Variants in STAB2 observed in about 807,000 individuals in gnomAD.
The protein encoded by STAB2 is stabilin 2, also known as stabilin-2.
In STAB2, 288 loss-of-function variants were observed where a neutral mutation model predicts 338.1. The observed-to-expected ratio is 0.85, with a 90% CI of 0.77 to 0.94. The LOEUF (loss-of-function observed/expected upper bound fraction) is 0.94. STAB2 is among the 40% of genes least tolerant of loss of function. The pLI is 0.00. For synonymous variants in STAB2, 1,202 were observed against 1,193.3 expected (o/e 1.01, Z -0.15); for missense variants, 3,141 against 3,210.1 (o/e 0.98, Z 0.52).
chr12:103,711,505 T>C lies in STAB2; in HGVS notation c.4323T>C (p.His1441=). The C allele has an allele frequency of 6.2e-7, 1 of 1,614,146 alleles. No homozygotes were observed. The highest frequency in any genetic ancestry group is 8.5e-7 in the Non-Finnish European group (1 of 1,180,016). ...TTEDNCNGTC[H]TSANCLTNSD... The stretch of plus-strand genomic sequence containing the variant: ...AAGACAACTGCAATGGGACATGCCA[T>C]ACCAGCGCCAAGTAGGTAGCCCTGG... Residue 1441 remains histidine, a synonymous_variant, in exon 40 of 69, where the codon CAT becomes CAC. Transcript: ENST00000388887.
At chr12:103,727,898 A>C (rs1881336566) in intron 47 of STAB2, among the ~76,000 whole-genome samples, 1 of 152,110 alleles carries the variant, frequency 6.6e-6, no homozygotes, top group Admixed American at 6.6e-5. Flanking sequence ...AGCTGTGAAT[A>C]CTGAGGGAAG....
Position 103,762,372 on chromosome 12 carries a change from C to T in STAB2, c.7458C>T (p.Asn2486=), listed in dbSNP as rs778227915. 6 of 1,614,204 alleles carry T rather than the reference C, an allele frequency of 3.7e-6. No individual in the cohort carries two copies. Among genetic ancestry groups the T allele is most frequent in the South Asian group, 1.1e-5 (1 of 91,080 alleles). The change falls in exon 67 of 69, where the codon AAC becomes AAT. Residue 2486 remains asparagine (N), a synonymous_variant. Coordinates refer to ENST00000388887, the MANE Select transcript of STAB2 (RefSeq NM_017564.10). The part of the protein sequence containing the change: ...ALAAYSYFRI[N]RRTIGFQHFE... ...CTGCTTACTCCTACTTTCGGATAAA[C>T]CGGAGAACAATCGGCTTCCAGCATT...
At chr12:103,737,598 CT>C in intron 52 of STAB2, 35 bp from the exon 53 acceptor site, 2 of 1,253,070 alleles carry the variant, frequency 1.6e-6, no homozygotes, top group Non-Finnish European at 2.1e-6. Context: ...CTCTCTCTCT[CT>C]CTTTCTCTTT....
At chr12:103,731,178 C>T (rs1566055538) in intron 49 of STAB2, among the ~76,000 whole-genome samples, 1 of 152,172 alleles carries the variant, frequency 6.6e-6, no homozygotes, top group African/African-American at 2.4e-5. Flanking sequence ...CTGTGACTGC[C>T]ACCTGTCTCC....
intron 15 of STAB2, among the ~76,000 whole-genome samples, chr12:103,659,260 G>C: frequency 6.6e-6 from 1 of 152,230 alleles, no homozygotes; most frequent in East Asian, 1.9e-4. Context: ...CATAGACCAG[G>C]ATTGTACCAG....
At chr12:103,590,337 C>T (rs1167253743) in intron 1 of STAB2, among the ~76,000 whole-genome samples, 1 of 152,186 alleles carries the variant, frequency 6.6e-6, no homozygotes, top group Non-Finnish European at 1.5e-5. Flanking sequence ...AGAGAAAGAT[C>T]CCTGCTCTCT....
In STAB2 at chr12:103,695,596, T is replaced by C; in HGVS notation, c.3422T>C (p.Leu1141Pro). ...RRLTGSLPNL[L>P]MRLEQMPDYS... ...CTAACTGGCTCCTTACCAAACCTGC[T>C]CATGCGGCTGGAACAGATGCCTGAC... The change falls in exon 32 of 69, where the codon CTC becomes CCC. Residue 1141 changes from leucine (L) to proline (P), a missense_variant. Leu to Pro is a moderately conservative substitution (Grantham distance 98). Transcript: ENST00000388887. The C allele has an allele frequency of 6.2e-7, 1 of 1,614,192 alleles. No individual in the cohort carries two copies. The highest frequency in any genetic ancestry group is 8.5e-7 in the Non-Finnish European group (1 of 1,180,020).
rs769292966 is a variant in STAB2 at position 103,730,176 on chromosome 12, G to A, written c.5143G>A (p.Gly1715Arg). ...ATCCAGTGATATCATCAGTACTAAT[G>A]GGATTGTTCATATCATAGACAAATT... ...IISSDIISTN[G>R]IVHIIDKLLS... Residue 1715 changes from glycine (G) to arginine (R), a missense_variant, in exon 49 of 69, where the codon GGG becomes AGG. By Grantham distance (125) the Gly-to-Arg change is moderately radical (BLOSUM62 -2). Transcript: ENST00000388887. 2.5e-6 allele frequency: 4 copies of A among 1,613,404 alleles called. No homozygotes were observed. Among genetic ancestry groups the A allele is most frequent in the Admixed American group, 1.7e-5 (1 of 59,980 alleles).
intron 34 of STAB2, among the ~76,000 whole-genome samples, chr12:103,701,097 T>C (rs535480695): frequency 2.7e-4 from 40 of 150,346 alleles, no homozygotes; most frequent in Non-Finnish European, 4.3e-4. Flanking sequence ...AGTGAAAATA[T>C]GCGGTGTTTG....
At chr12:103,709,251 G>C (rs1188085180) in intron 39 of STAB2, among the ~76,000 whole-genome samples, 1 of 152,190 alleles carries the variant, frequency 6.6e-6, no homozygotes, top group African/African-American at 2.4e-5. Context: ...ACATGGGAAA[G>C]CTCAACACAT....
chr12:103,737,856 GT>G (rs2139109127), intron 53 of STAB2, 76 bp downstream of exon 53: 1 of 1,571,820 alleles, frequency 6.4e-7, no homozygotes, highest in East Asian at 2.3e-5. Context: ...TGTGGACCCT[GT>G]TGTGAAACCA....
intron 22 of STAB2, among the ~76,000 whole-genome samples, chr12:103,673,538 AG>A (rs1876029389): frequency 6.6e-6 from 1 of 151,958 alleles, no homozygotes; most frequent in Admixed American, 6.6e-5. Flanking sequence ...TTGTAGAGAC[AG>A]GGTTTCACCA....
chr12:103,664,876 C>T (rs930642311), intron 18 of STAB2, among the ~76,000 whole-genome samples: 10 of 152,146 alleles, frequency 6.6e-5, no homozygotes, highest in African/African-American at 2.4e-4. Flanking sequence ...TTAAGAGAGG[C>T]AGAAACATGG....
intron 9 of STAB2, among the ~76,000 whole-genome samples, chr12:103,641,393 G>A (rs1053974877): frequency 1.2e-4 from 19 of 152,290 alleles, no homozygotes; most frequent in African/African-American, 4.3e-4. Context: ...AAAAGGGAGA[G>A]AACTATACCT....
intron 67 of STAB2, 81 bp downstream of exon 67, chr12:103,762,483 G>A (rs1884610590): frequency 1.9e-6 from 3 of 1,600,642 alleles, no homozygotes; most frequent in Non-Finnish European, 1.7e-6. Flanking sequence ...TCAGTCGGTG[G>A]CTGCGCCAGA....
chr12:103,671,966 C>T (rs774902774), intron 22 of STAB2, among the ~76,000 whole-genome samples: 8 of 152,282 alleles, frequency 5.3e-5, no homozygotes, highest in South Asian at 2.1e-4. Flanking sequence ...GCCTACCAAC[C>T]GTCTGATCTC....
Position 103,715,908 on chromosome 12 carries a change from G to A in STAB2, c.4611+20G>A. On this transcript the variant is annotated intron_variant, in intron 43 of 68. Coordinates refer to ENST00000388887, the MANE Select transcript of STAB2 (RefSeq NM_017564.10). ...AACCAGGTGAGTGCCACCTCTCCCA[G>A]GCCCTTAGGTTTCCTAAAAGGGAAC... 2.5e-6 allele frequency: 4 copies of A among 1,613,510 alleles called. No individual in the cohort carries two copies. The highest frequency in any genetic ancestry group is 3.4e-6 in the Non-Finnish European group (4 of 1,179,716).
chr12:103,685,170 C>A, intron 27 of STAB2, 86 bp downstream of exon 27: 1 of 1,248,532 alleles, frequency 8.0e-7, no homozygotes, highest in Non-Finnish European at 1.1e-6. Context: ...GATCTATTGA[C>A]ATATCTTTTG....
At chr12:103,721,273 G>T (rs1173251063) in intron 44 of STAB2, among the ~76,000 whole-genome samples, 1 of 152,204 alleles carries the variant, frequency 6.6e-6, no homozygotes, top group Non-Finnish European at 1.5e-5. Context: ...ATTCCTGAAT[G>T]TTAAGAAGCG....
Sources: gnomAD v4.1 joint callset for allele counts (sites outside exome capture counted in the v4.1 genomes callset) on GRCh38, gnomAD v4.1.1 for gene constraint, MANE v1.5 for transcripts, NCBI Gene and HGNC (gene_info 2026-07-23, HGNC 2026-07-21) for gene names.